The following DNAH17 variants were observed in gnomAD, a reference collection of about 807,000 sequenced individuals.
DNAH17 encodes dynein axonemal heavy chain 17.
DNAH17 carries 376 observed loss-of-function variants against 485.6 expected under a neutral mutation model. The ratio of observed to expected loss-of-function variants is 0.77; its 90% CI spans 0.71 to 0.84. The LOEUF is 0.84. DNAH17 is among the 40% of genes least tolerant of loss of function. DNAH17 has a pLI of 0.00. For missense variants in DNAH17, 6,370 were observed against 5,839.3 expected (o/e 1.09, Z -2.96); for synonymous variants, 3,031 against 2,405.9 (o/e 1.26, Z -7.60).
rs774316601 is a variant in DNAH17 at position 78,500,263 on chromosome 17, AAAG to A, written c.5640+39_5640+41del. 402 of 1,568,924 alleles carry A rather than the reference AAAG, an allele frequency of 2.6e-4. 1 individual carries two copies. The highest frequency in any genetic ancestry group is 3.3e-4 in the Non-Finnish European group (382 of 1,160,314). ...CAGGGTGCTAGGATCTGCTTCTATA[AAAG>A]AAGACTCTGGGTCCCTCCTCCGGAC... On this transcript the variant is annotated intron_variant, in intron 36 of 80. Transcript: ENST00000389840.
chr17:78,443,883 C>A, intron 71 of DNAH17, among the ~76,000 whole-genome samples: 1 of 152,152 alleles, frequency 6.6e-6, no homozygotes, highest in Non-Finnish European at 1.5e-5. Context: ...TTTGGGAAAC[C>A]TGGCTGCTTT....
intron 62 of DNAH17, among the ~76,000 whole-genome samples, chr17:78,458,074 G>A (rs992049280): frequency 3.3e-5 from 5 of 152,354 alleles, no homozygotes; most frequent in African/African-American, 1.2e-4. Flanking sequence ...AAACTGCTGG[G>A]ATTACAGGCG....
chr17:78,484,739 A>ACCCCCCCGGCCCCCCC, intron 48 of DNAH17, 129 bp downstream of exon 48: 23 of 347,792 alleles, frequency 6.6e-5, no homozygotes, highest in Non-Finnish European at 9.6e-5. Context: ...ACGTTGCAGC[A>ACCCCCCCGGCCCCCCC]CCCCCCCCAC....
intron 38 of DNAH17, among the ~76,000 whole-genome samples, chr17:78,495,645 C>G (rs779651973): frequency 6.6e-6 from 1 of 152,116 alleles, no homozygotes; most frequent in Non-Finnish European, 1.5e-5. Context: ...ACCATCTTGA[C>G]CGGGCTGGTC....
At chr17:78,544,872 T>A (rs987534527) in intron 16 of DNAH17, among the ~76,000 whole-genome samples, 12 of 150,948 alleles carry the variant, frequency 7.9e-5, no homozygotes, top group African/African-American at 2.7e-4. Context: ...TTTACTGTTA[T>A]CTGTCATTAG....
At position 78,551,630 on chromosome 17, in the gene DNAH17, G is replaced by A. The variant is rs1336608050; in HGVS notation, c.2296C>T (p.Gln766Ter). The A allele has an allele frequency of 1.9e-6, 3 of 1,613,708 alleles. No homozygotes were observed. Among genetic ancestry groups the A allele is most frequent in the African/African-American group, 2.7e-5 (2 of 74,904 alleles). Residue 766 changes from glutamine (Q) to a stop codon, truncating the protein, a stop_gained, in exon 16 of 81, where the codon CAG becomes TAG. Transcript: ENST00000389840. LOFTEE classifies it high-confidence loss of function. ...TLFWNGEGVF[Q>*]YIQEVREILH... The stretch of plus-strand genomic sequence containing the variant: ...ATTTCTCGCACCTCTTGAATGTACT[G>A]AAACACACCTAAAATGGAAATGTAG...
chr17:78,477,947 A>G (rs2089118821), intron 51 of DNAH17, among the ~76,000 whole-genome samples: 1 of 143,782 alleles, frequency 7.0e-6, no homozygotes, highest in Non-Finnish European at 1.5e-5. Flanking sequence ...CACCATCACC[A>G]TTATCATCTC....
chr17:78,435,627 C>T (rs950443884), intron 74 of DNAH17, among the ~76,000 whole-genome samples: 3 of 152,206 alleles, frequency 2.0e-5, no homozygotes, highest in Admixed American at 6.5e-5. Flanking sequence ...TACAATAAAA[C>T]GAAACACCAA....
At chr17:78,530,070 C>A (rs1331712926) in intron 21 of DNAH17, among the ~76,000 whole-genome samples, 1 of 152,256 alleles carries the variant, frequency 6.6e-6, no homozygotes, top group East Asian at 1.9e-4. Context: ...TCAGCGCCAG[C>A]CTTCCCTGAC....
In DNAH17 at chr17:78,490,813, AG is replaced by A; in HGVS notation, c.6703del (p.Leu2235Ter). 6.2e-7 allele frequency: 1 copy of A among 1,604,420 alleles called. No individual in the cohort carries two copies. Among genetic ancestry groups the A allele is most frequent in the Non-Finnish European group, 8.5e-7 (1 of 1,175,618 alleles). ...GAACACCAGCCTCATGGTGCGGTTC[AG>A]GGGGATCCGCTCGTTGCTGGCCAGG... ...LTLASNERIP[L>X]NRTMRLVFEI... On this transcript the variant is annotated frameshift_variant, in exon 44 of 81. Transcript: ENST00000389840. LOFTEE classifies it high-confidence loss of function.
intron 58 of DNAH17, 37 bp from the exon 59 acceptor site, chr17:78,460,294 C>T (rs375265249): frequency 2.0e-6 from 3 of 1,483,504 alleles, no homozygotes; most frequent in African/African-American, 3.0e-5. Flanking sequence ...TACTGCAGGC[C>T]TGTCCATGTG....
At chr17:78,495,209 G>T in intron 38 of DNAH17, 112 bp from the exon 39 acceptor site, 1 of 1,352,472 alleles carries the variant, frequency 7.4e-7, no homozygotes, top group Non-Finnish European at 9.9e-7. Context: ...GTAGACCACA[G>T]CAGAGTGTTG....
chr17:78,469,579 G>T (rs776892197), intron 54 of DNAH17, among the ~76,000 whole-genome samples: 2 of 152,168 alleles, frequency 1.3e-5, no homozygotes, highest in African/African-American at 4.8e-5. Context: ...GCAAGACCTT[G>T]TCTCTAAGGA....
intron 49 of DNAH17, among the ~76,000 whole-genome samples, chr17:78,480,041 TTTTTTTTTAAAAA>T (rs2089282164): frequency 1.2e-5 from 1 of 84,876 alleles, no homozygotes; most frequent in African/African-American, 6.4e-5. Context: ...TTTTTTTTTT[TTTTTTTTTAAAAA>T]AAGTATGTCC....
intron 44 of DNAH17, among the ~76,000 whole-genome samples, chr17:78,488,248 G>A (rs1028254984): frequency 3.3e-5 from 5 of 152,266 alleles, no homozygotes; most frequent in African/African-American, 1.2e-4. Context: ...TGGTCCATAC[G>A]GCTTCTTGCC....
chr17:78,555,543 C>CAAAAAAAAA lies in DNAH17; in HGVS notation c.2178+2556_2178+2564dup, dbSNP rs765954549. ...CGGGGAGAGGAGCAAGATTCCGTCA[C>CAAAAAAAAA]AAAAAAAAAAAAAAAAAAAAAAAGA... is the stretch of plus-strand genomic sequence containing the variant. On this transcript the variant is annotated intron_variant, in intron 14 of 80. Transcript: ENST00000389840. Among the ~76,000 whole-genome samples, 432 of 77,640 alleles carry CAAAAAAAAA rather than the reference C, an allele frequency of 5.6e-3. 42 individuals are homozygous for CAAAAAAAAA. Among genetic ancestry groups the CAAAAAAAAA allele is most frequent in the African/African-American group, 0.021 (374 of 17,794 alleles). The allele number at this position is 77,640 out of a possible 152,430, so 50.9% of individuals were successfully genotyped here.
Position 78,495,060 on chromosome 17 carries a change from A to T in DNAH17, c.5941T>A (p.Cys1981Ser), listed in dbSNP as rs774296608. Residue 1981 changes from cysteine to serine, a missense_variant, in exon 39 of 81, where the codon TGT becomes AGT. Cys to Ser is a moderately radical substitution (Grantham distance 112). Transcript: ENST00000389840. Reference protein sequence around the residue: ...AMVVPDFELICEIMLMAEGFL... With the variant: ...AMVVPDFELISEIMLMAEGFL... ...CCCTCGGCCATGAGCATGATCTCAC[A>T]TATCAGTTCGAAGTCGGGGACGACC... 1.9e-6 allele frequency: 3 copies of T among 1,611,254 alleles called. No homozygotes were observed. The South Asian group carries it at 3.3e-5, about 18-fold the overall frequency.
rs1568081557 is a variant in DNAH17, at chr17:78,459,044, G to C, written c.9818C>G (p.Ala3273Gly). 1.2e-6 allele frequency: 2 copies of C among 1,614,050 alleles called. No homozygotes were observed. The highest frequency in any genetic ancestry group is 1.7e-6 in the Non-Finnish European group (2 of 1,179,896). The part of the protein sequence containing the change: ...QALEEANAEL[A>G]EAQEKLSRIK... ...CCGGGACAGCTTCTCTTGTGCCTCT[G>C]CCAGCTCTGCATTAGCCTCCTCCAG... Residue 3273 changes from alanine (A) to glycine (G), a missense_variant, in exon 61 of 81, where the codon GCA (alanine) becomes GGA (glycine). Ala to Gly is a moderately conservative substitution (Grantham distance 60). Coordinates refer to ENST00000389840, the MANE Select transcript of DNAH17 (RefSeq NM_173628.4).
Position 78,458,571 on chromosome 17 carries a change from G to A in DNAH17, c.9971C>T (p.Ala3324Val), listed in dbSNP as rs374624786. Residue 3324 changes from alanine (A) to valine (V), a missense_variant, in exon 62 of 81, where the codon GCG becomes GTG. Transcript: ENST00000389840. ...ADATNRVILL[A>V]NRLVGGLASE... ...CTCGGGGAGGAGCTGATACCTGTTC[G>A]CCAGTAAGATCACCCTGTTCGTGGC... The A allele has an allele frequency of 1.1e-5, 17 of 1,613,528 alleles. No individual in the cohort carries two copies. The highest frequency in any genetic ancestry group is 1.3e-5 in the Non-Finnish European group (15 of 1,179,666).
Sources: allele counts gnomAD v4.1 joint callset (sites outside exome capture counted in the v4.1 genomes callset), GRCh38; gene constraint gnomAD v4.1.1; transcripts MANE v1.5; gene names NCBI Gene and HGNC (gene_info 2026-07-23, HGNC 2026-07-21).